The following LSS variants were observed in gnomAD, a reference collection of about 807,000 sequenced individuals.
LSS encodes 2,3-epoxysqualene-lanosterol cyclase.
In LSS, 90 loss-of-function variants were observed where a neutral mutation model predicts 110.3. The ratio of observed to expected loss-of-function variants is 0.82; its 90% CI spans 0.69 to 0.97. LSS has a LOEUF of 0.97. Ranked by LOEUF, LSS falls within the 50% of genes least tolerant of loss-of-function variation. The pLI, the probability that LSS is intolerant of heterozygous loss-of-function variation, is 0.00. For synonymous variants in LSS, 433 were observed against 400.0 expected (o/e 1.08, Z -0.98); for missense variants, 927 against 990.0 (o/e 0.94, Z 0.85).
rs1167118781 is a variant in LSS at position 46,189,504 on chromosome 21, C to A, written c.*1600G>T. ...CCCTGCAGGGCTCTGAGCAGGCAGG[C>A]GAGTCCCAAGGAGAGTCAGTGACAG... On this transcript the variant is annotated 3_prime_UTR_variant, in exon 22 of 22. Coordinates refer to ENST00000397728, the MANE Select transcript of LSS (RefSeq NM_002340.6). 2.2e-5 allele frequency: 8 copies of A among 367,346 alleles called. No homozygotes were observed. In the East Asian group the frequency reaches 4.5e-4, roughly 21 times the overall value. The allele number at this position is 367,346 out of a possible 1,614,324, so 22.8% of individuals were successfully genotyped here. A position where few individuals can be genotyped will look rare whatever the true frequency, so the allele number is the denominator to read the frequency against.
chr21:46,210,481 C>T (rs1448364691), intron 12 of LSS, among the ~76,000 whole-genome samples: 1 of 152,092 alleles, frequency 6.6e-6, no homozygotes, highest in African/African-American at 2.4e-5. Context: ...CTCCCAAGGC[C>T]CCCGACCCAG....
At position 46,195,635 on chromosome 21, in the gene LSS, G is replaced by A. The variant is rs1319795571; in HGVS notation, c.1817+41C>T. 3 of 1,551,780 alleles carry A rather than the reference G, an allele frequency of 1.9e-6. No homozygotes were observed. In the African/African-American group the frequency reaches 4.1e-5, roughly 21 times the overall value. On this transcript the variant is annotated intron_variant, in intron 19 of 21. Transcript: ENST00000397728. ...AAAAACACTCATGACAGAGCATTGG[G>A]TTGAGAACCCCCACCCACCAGAGGA... is the stretch of plus-strand genomic sequence containing the variant.
chr21:46,225,974 C>G (rs940024471), intron 3 of LSS, among the ~76,000 whole-genome samples: 7 of 152,090 alleles, frequency 4.6e-5, no homozygotes, highest in Non-Finnish European at 8.8e-5. Flanking sequence ...TCTACAATCT[C>G]TCATCTCCGC....
intron 17 of LSS, among the ~76,000 whole-genome samples, chr21:46,200,241 CAACT>C (rs1440606308): frequency 1.3e-5 from 2 of 152,018 alleles, no homozygotes; most frequent in African/African-American, 4.8e-5. Flanking sequence ...GGAAGAACAC[CAACT>C]AATACATATG....
At chr21:46,211,870 C>G (rs78276120) in intron 11 of LSS, among the ~76,000 whole-genome samples, 6,862 of 152,292 alleles carry the variant, frequency 0.045, 218 homozygotes, top group Non-Finnish European at 0.068. Context: ...AGACCAACAA[C>G]TGAAGGCCTG....
chr21:46,227,412 T>A (rs2051614989), intron 3 of LSS, 140 bp downstream of exon 3: 3 of 1,034,878 alleles, frequency 2.9e-6, no homozygotes, highest in Non-Finnish European at 4.2e-6. Flanking sequence ...GACTCTGACA[T>A]AGGGCAGAGT....
intron 1 of LSS, 24 bp from the exon 2 acceptor site, chr21:46,228,623 A>G (rs915894355): frequency 1.9e-6 from 3 of 1,592,142 alleles, no homozygotes; most frequent in Non-Finnish European, 2.6e-6. Context: ...GCCATCAGCG[A>G]CCCAGGCCCC....
chr21:46,217,719 C>A (rs2080225281), intron 6 of LSS, among the ~76,000 whole-genome samples: 1 of 152,220 alleles, frequency 6.6e-6, no homozygotes, highest in Non-Finnish European at 1.5e-5. Context: ...CCAAGTGGGG[C>A]AGATGAGACG....
At chr21:46,208,965 AGGGACACT>A (rs2080090904) in intron 13 of LSS, among the ~76,000 whole-genome samples, 1 of 152,196 alleles carries the variant, frequency 6.6e-6, no homozygotes, top group Non-Finnish European at 1.5e-5. Context: ...TTCCAGGCAG[AGGGACACT>A]GGCTGAGGCC....
In LSS at chr21:46,215,288, G is replaced by A; in HGVS notation, c.903C>T (p.Asn301=). The change falls in exon 9 of 22, where the codon AAC becomes AAT. Residue 301 remains asparagine, a synonymous_variant. Coordinates refer to ENST00000397728, the MANE Select transcript of LSS (RefSeq NM_002340.6). ...GGGCACTGTGGTGGTGCTCATACAG[G>A]TTGAGGAGCGCTACAGGGGACAGGG... is the stretch of plus-strand genomic sequence containing the variant. ...WLLRVVYALL[N]LYEHHHSAHL... 1.2e-6 allele frequency: 2 copies of A among 1,607,168 alleles called. No homozygotes were observed. Among genetic ancestry groups the A allele is most frequent in the Non-Finnish European group, 1.7e-6 (2 of 1,178,268 alleles).
At chr21:46,210,214 C>T (rs568638259) in intron 12 of LSS, among the ~76,000 whole-genome samples, 5 of 151,994 alleles carry the variant, frequency 3.3e-5, no homozygotes, top group East Asian at 3.9e-4. Flanking sequence ...TACAGGTGCC[C>T]GCCACCACGC....
intron 3 of LSS, chr21:46,225,466 G>A (rs959858299): frequency 1.6e-4 from 72 of 447,724 alleles, no homozygotes; most frequent in South Asian, 5.6e-4. Context: ...CCCTTTCCCC[G>A]GGGGAGTTTA....
intron 9 of LSS, 103 bp downstream of exon 9, chr21:46,215,077 C>G (rs2123741127): frequency 4.4e-6 from 4 of 913,254 alleles, no homozygotes; most frequent in Admixed American, 3.6e-5. Context: ...GTACACCAGG[C>G]TCCAGGAAAC....
At chr21:46,192,408 C>A in intron 20 of LSS, 1 of 429,980 alleles carries the variant, frequency 2.3e-6, no homozygotes, top group African/African-American at 2.0e-5. Context: ...CCAGACCCTG[C>A]TGCTCCTGCT....
rs370918191 is a variant in LSS at position 46,191,135 on chromosome 21, T to G, written c.2168A>C (p.Tyr723Ser). 12 of 1,613,944 alleles carry G rather than the reference T, an allele frequency of 7.4e-6. No homozygotes were observed. Among genetic ancestry groups the G allele is most frequent in the Non-Finnish European group, 1.0e-5 (12 of 1,180,006 alleles). Residue 723 changes from tyrosine (Y) to serine (S), a missense_variant, in exon 22 of 22, where the codon TAC becomes TCC. Transcript: ENST00000397728. Reference sequence around the variant, plus strand: ...GTGGCCAGCAAGGGCTCTCTCAGGGTACAGCTGGGAGAAGCGGCCGAGGGC... The same window carrying G: ...GTGGCCAGCAAGGGCTCTCTCAGGGGACAGCTGGGAGAAGCGGCCGAGGGC... ...IWALGRFSQL[Y>S]PERALAGHP
rs2079881450 is a variant in LSS at position 46,194,625 on chromosome 21, G to A, written c.1854C>T (p.Phe618=). The A allele has an allele frequency of 2.5e-6, 4 of 1,613,590 alleles. No individual in the cohort carries two copies. The East Asian group carries it at 8.9e-5, about 36-fold the overall frequency. ...CGTCTGCCATCTGCCGGGACAGCAG[G>A]AAGTCACAGGCCCGGGAGACCTCTG... is the stretch of plus-strand genomic sequence containing the variant. The part of the protein sequence containing the change: ...ACAEVSRACD[F]LLSRQMADGG... The change falls in exon 20 of 22, where the codon TTC becomes TTT. Residue 618 remains phenylalanine (F), a synonymous_variant. Coordinates refer to ENST00000397728, the MANE Select transcript of LSS (RefSeq NM_002340.6).
intron 9 of LSS, among the ~76,000 whole-genome samples, chr21:46,214,193 G>A (rs1002618411): frequency 2.6e-5 from 4 of 152,208 alleles, no homozygotes; most frequent in African/African-American, 4.8e-5. Context: ...GGGCCTGAGG[G>A]GCCCAGGAAG....
Position 46,215,230 on chromosome 21 carries a change from C to T in LSS, c.961G>A (p.Glu321Lys). The T allele has an allele frequency of 6.2e-7, 1 of 1,611,400 alleles. No individual in the cohort carries two copies. The highest frequency in any genetic ancestry group is 8.5e-7 in the Non-Finnish European group (1 of 1,179,938). The change falls in exon 9 of 22, where the codon GAA becomes AAA. Residue 321 changes from glutamate to lysine, a missense_variant. By Grantham distance (56) the Glu-to-Lys change is moderately conservative. Coordinates refer to ENST00000397728, the MANE Select transcript of LSS (RefSeq NM_002340.6). ...AATCGGTCGTCGGCCACAATGTGTT[C>T]ATACAGCTTCTGCACGGCCCGCTGC... ...LRQRAVQKLYEHIVADDRFTK... is the reference protein window; with the variant it reads ...LRQRAVQKLYKHIVADDRFTK...
chr21:46,191,938 C>T lies in LSS; in HGVS notation c.2010G>A (p.Gln670=), dbSNP rs1181664566. The change falls in exon 21 of 22, where the codon CAG becomes CAA. Residue 670 remains glutamine (Q), a synonymous_variant. Coordinates refer to ENST00000397728, the MANE Select transcript of LSS (RefSeq NM_002340.6). Reference sequence around the variant, plus strand: ...CAAGTAGACACCGGACTCCTCTCTCCTGGGCCTCGATGTCAGGATGCCTGG... The same window carrying T: ...CAAGTAGACACCGGACTCCTCTCTCTTGGGCCTCGATGTCAGGATGCCTGG... The part of the protein sequence containing the change: ...MAVRHPDIEA[Q]ERGVRCLLEK... 6.2e-7 allele frequency: 1 copy of T among 1,613,610 alleles called. No individual in the cohort carries two copies. Among genetic ancestry groups the T allele is most frequent in the Admixed American group, 1.7e-5 (1 of 59,944 alleles).
Sources: allele counts gnomAD v4.1 joint callset (sites outside exome capture counted in the v4.1 genomes callset), GRCh38; gene constraint gnomAD v4.1.1; transcripts MANE v1.5; gene names NCBI Gene and HGNC (gene_info 2026-07-23, HGNC 2026-07-21).